USP34: variants seen among roughly 807,000 people sequenced by gnomAD.
The protein encoded by USP34 is ubiquitin carboxyl-terminal hydrolase 34.
USP34 carries 70 observed loss-of-function variants against 460.3 expected under a neutral mutation model. That is an observed-to-expected ratio of 0.15 (90% CI 0.13 to 0.19). USP34 has a LOEUF of 0.19. USP34 is among the 10% of genes least tolerant of loss of function. USP34 has a pLI of 1.00. For synonymous variants in USP34, 1,647 were observed against 1,405.3 expected (o/e 1.17, Z -3.85); for missense variants, 3,985 against 4,236.2 (o/e 0.94, Z 1.65).
chr2:61,390,680 T>C (rs992762690), intron 5 of USP34, among the ~76,000 whole-genome samples: 1 of 152,226 alleles, frequency 6.6e-6, no homozygotes, highest in African/African-American at 2.4e-5. Context: ...TTGACGTTAT[T>C]ATCAGATTTG....
intron 43 of USP34, among the ~76,000 whole-genome samples, chr2:61,260,953 T>G (rs190330977): frequency 1.3e-5 from 2 of 152,262 alleles, no homozygotes; most frequent in African/African-American, 4.8e-5. Context: ...TGCATCTATA[T>G]GTATTTACTA....
chr2:61,359,852 T>A (rs1184401131), intron 10 of USP34, among the ~76,000 whole-genome samples: 2 of 142,894 alleles, frequency 1.4e-5, no homozygotes, highest in African/African-American at 5.1e-5. Flanking sequence ...CTGGGTGATC[T>A]CGGCTCACTG....
chr2:61,350,218 A>C, intron 12 of USP34, 42 bp downstream of exon 12: 1 of 1,548,216 alleles, frequency 6.5e-7, no homozygotes, highest in African/African-American at 1.4e-5. Context: ...TCTGAGTGAG[A>C]AGCTCTCAAC....
chr2:61,275,129 A>T (rs1379690121), intron 41 of USP34, among the ~76,000 whole-genome samples: 1 of 151,954 alleles, frequency 6.6e-6, no homozygotes, highest in African/African-American at 2.4e-5. Flanking sequence ...ATTTTTAAAA[A>T]TTAGCCGGGT....
chr2:61,315,081 C>T (rs1690701749), intron 23 of USP34, 107 bp from the exon 24 acceptor site: 1 of 706,016 alleles, frequency 1.4e-6, no homozygotes, highest in Non-Finnish European at 2.3e-6. Flanking sequence ...TATTATTCAG[C>T]TATTAAATAA....
intron 25 of USP34, among the ~76,000 whole-genome samples, chr2:61,314,369 G>T (rs1690681380): frequency 6.6e-6 from 1 of 152,008 alleles, no homozygotes; most frequent in Non-Finnish European, 1.5e-5. Flanking sequence ...ATTATTAAAG[G>T]TGTGCAATAT....
chr2:61,315,973 G>A (rs931837557), intron 23 of USP34, among the ~76,000 whole-genome samples: 1 of 151,534 alleles, frequency 6.6e-6, no homozygotes, highest in African/African-American at 2.4e-5. Context: ...GCTGAGGCAG[G>A]CAGACTGCCT....
rs1405722733 is a variant in USP34, at chr2:61,257,097, G to C, written c.6003C>G (p.Val2001=). Residue 2001 remains valine, a synonymous_variant, in exon 46 of 80, where the codon GTC becomes GTG. Transcript: ENST00000398571. ...TAATTACACCTCCAAATAAACTTTT[G>C]ACGGTATTTTTCTTTAATATAAAAC... is the stretch of plus-strand genomic sequence containing the variant. ...EEMSPELKNT[V]KSLFGGVITN... is the part of the protein sequence containing the mutation. 6.3e-7 allele frequency: 1 copy of C among 1,581,792 alleles called. No homozygotes were observed. The highest frequency in any genetic ancestry group is 8.6e-7 in the Non-Finnish European group (1 of 1,167,082).
chr2:61,392,132 T>TTATG (rs1693366872), intron 5 of USP34, among the ~76,000 whole-genome samples: 1 of 151,852 alleles, frequency 6.6e-6, no homozygotes, highest in Non-Finnish European at 1.5e-5. Flanking sequence ...AAGGATAACT[T>TTATG]CACAGGTTGG....
chr2:61,205,982 G>C, intron 72 of USP34, 35 bp downstream of exon 72: 1 of 1,506,158 alleles, frequency 6.6e-7, no homozygotes, highest in Non-Finnish European at 9.2e-7. Flanking sequence ...TCTTCCACTA[G>C]GTTTTTACAC....
chr2:61,443,562 G>A (rs975798668), intron 1 of USP34, among the ~76,000 whole-genome samples: 2 of 150,678 alleles, frequency 1.3e-5, no homozygotes, highest in African/African-American at 2.4e-5. Context: ...CTAAATGAAA[G>A]AAACCAATCT....
In USP34 at chr2:61,319,222, T is replaced by G; in HGVS notation, c.3119A>C (p.Asp1040Ala). 2 of 1,592,240 alleles carry G rather than the reference T, an allele frequency of 1.3e-6. No homozygotes were observed. The highest frequency in any genetic ancestry group is 1.7e-6 in the Non-Finnish European group (2 of 1,173,642). ...GGTTTCCATACCCATAGCATGTTGA[T>G]CTTTACTTCGAACTTGATTTAAAAA... ...HWFLNQVRSK[D>A]QHAMGMETYK... is the part of the protein sequence containing the mutation. The change falls in exon 22 of 80, where the codon GAT (aspartate) becomes GCT (alanine). Residue 1040 changes from aspartate (D) to alanine (A), a missense_variant. By Grantham distance (126) the Asp-to-Ala change is moderately radical (BLOSUM62 -2). Transcript: ENST00000398571.
At chr2:61,209,399 T>TA (rs1687209831) in intron 69 of USP34, among the ~76,000 whole-genome samples, 1 of 152,110 alleles carries the variant, frequency 6.6e-6, no homozygotes, top group African/African-American at 2.4e-5. Flanking sequence ...GCCTTGAAAA[T>TA]AGTTTATAAA....
intron 5 of USP34, among the ~76,000 whole-genome samples, chr2:61,390,002 T>C (rs1693293541): frequency 6.6e-6 from 1 of 152,158 alleles, no homozygotes; most frequent in Admixed American, 6.6e-5. Context: ...TCAAAAAATA[T>C]GTAATCCTAC....
intron 1 of USP34, among the ~76,000 whole-genome samples, chr2:61,466,402 G>A (rs1695763205): frequency 1.3e-5 from 2 of 152,126 alleles, no homozygotes; most frequent in Non-Finnish European, 2.9e-5. Context: ...TCCAGCCTGG[G>A]CAATGGGAAA....
intron 1 of USP34, among the ~76,000 whole-genome samples, chr2:61,444,912 C>A (rs904307146): frequency 1.9e-5 from 2 of 107,970 alleles, no homozygotes; most frequent in Non-Finnish European, 1.9e-5. Flanking sequence ...AAACTCTGTT[C>A]CTTAACACCA....
intron 5 of USP34, among the ~76,000 whole-genome samples, chr2:61,387,496 T>C (rs773735546): frequency 2.7e-5 from 4 of 149,092 alleles, no homozygotes; most frequent in Non-Finnish European, 4.4e-5. Context: ...TGTGTGTGAG[T>C]GTATATATAT....
intron 10 of USP34, among the ~76,000 whole-genome samples, chr2:61,367,283 AAT>A (rs1333038103): frequency 6.6e-6 from 1 of 152,188 alleles, no homozygotes; most frequent in Non-Finnish European, 1.5e-5. Context: ...CAATAATTTA[AAT>A]ATGTTTAGAA....
intron 8 of USP34, among the ~76,000 whole-genome samples, chr2:61,371,832 A>C (rs1692638171): frequency 6.6e-6 from 1 of 152,088 alleles, no homozygotes; most frequent in African/African-American, 2.4e-5. Flanking sequence ...CAGGTTTTTT[A>C]CATTATTTTT....
Sources: allele counts gnomAD v4.1 joint callset (sites outside exome capture counted in the v4.1 genomes callset), GRCh38; gene constraint gnomAD v4.1.1; transcripts MANE v1.5; gene names NCBI Gene and HGNC (gene_info 2026-07-23, HGNC 2026-07-21).